Variants in DCC observed in about 807,000 individuals in gnomAD.
DCC encodes the protein DCC netrin 1 receptor, also known as netrin receptor DCC.
Under a neutral mutation model 172.5 loss-of-function variants are expected in DCC, and 58 were observed. That is an observed-to-expected ratio of 0.34 (90% confidence interval 0.27 to 0.42). The LOEUF (loss-of-function observed/expected upper bound fraction) is 0.42, where lower values mean the gene tolerates loss of function less well. DCC is among the 10% of genes least tolerant of loss of function. The pLI, the probability that DCC is intolerant of heterozygous loss-of-function variation, is 1.00. For synonymous variants in DCC, 709 were observed against 644.5 expected (o/e 1.10, Z -1.52); for missense variants, 1,740 against 1,791.0 (o/e 0.97, Z 0.51).
At chr18:53,485,323 C>T (rs1195241172) in intron 25 of DCC, among the ~76,000 whole-genome samples, 4 of 152,054 alleles carry the variant, frequency 2.6e-5, no homozygotes, top group Non-Finnish European at 5.9e-5. Context: ...CACTCCTCTA[C>T]ACTCCAAAGC....
rs556280516 is a variant in DCC at position 52,926,986 on chromosome 18, T to C, written c.985+1616T>C. Among the ~76,000 whole-genome samples the C allele has an allele frequency of 2.8e-5, 4 of 141,710 alleles. No homozygotes were observed. In the East Asian group the frequency reaches 8.4e-4, roughly 30 times the overall value. The allele number at this position is 141,710 out of a possible 152,430, so 93.0% of individuals were successfully genotyped here. A position where few individuals can be genotyped will look rare whatever the true frequency, so the allele number is the denominator to read the frequency against. ...ATGGATATATATACATATATATGGA[T>C]ATATATTTTGTAATTTACACAATTC... On this transcript the variant is annotated intron_variant, in intron 5 of 28. Transcript: ENST00000442544.
At chr18:53,087,101 C>A (rs953719477) in intron 7 of DCC, among the ~76,000 whole-genome samples, 7 of 151,918 alleles carry the variant, frequency 4.6e-5, no homozygotes, top group Non-Finnish European at 8.8e-5. Flanking sequence ...ATTTATAGTC[C>A]TTTGGGTATA....
chr18:53,362,519 C>G (rs947025124), intron 15 of DCC, among the ~76,000 whole-genome samples: 2 of 152,138 alleles, frequency 1.3e-5, no homozygotes, highest in East Asian at 1.9e-4. Context: ...AATGGCCACT[C>G]ATGGCCTTCA....
intron 2 of DCC, among the ~76,000 whole-genome samples, chr18:52,795,062 G>T (rs2037846218): frequency 6.6e-6 from 1 of 151,448 alleles, no homozygotes; most frequent in Admixed American, 6.6e-5. Context: ...CATCTGTATT[G>T]ATCAGAAAAA....
At position 53,354,598 on chromosome 18, in the gene DCC, T is replaced by G. The variant is rs970984625; in HGVS notation, c.2359+14691T>G. Among the ~76,000 whole-genome samples, 6 of 152,198 alleles carry G rather than the reference T, an allele frequency of 3.9e-5. No individual in the cohort carries two copies. The South Asian group carries it at 1.2e-3, about 32-fold the overall frequency. Reference sequence around the variant, plus strand: ...GTCTGTTCATATCCTTCGCCCACTTTTTGATGGGCTTCTTTGTTTTTTTCT... The same window carrying G: ...GTCTGTTCATATCCTTCGCCCACTTGTTGATGGGCTTCTTTGTTTTTTTCT... On this transcript the variant is annotated intron_variant, in intron 15 of 28. Transcript: ENST00000442544.
intron 1 of DCC, among the ~76,000 whole-genome samples, chr18:52,419,940 C>T (rs898317332): frequency 6.6e-6 from 1 of 151,998 alleles, no homozygotes; most frequent in African/African-American, 2.4e-5. Context: ...CTTTGTTATT[C>T]CCATTTTACA....
chr18:53,164,690 C>T (rs1393834334), intron 8 of DCC, among the ~76,000 whole-genome samples: 1 of 152,166 alleles, frequency 6.6e-6, no homozygotes, highest in African/African-American at 2.4e-5. Flanking sequence ...AAAACACTTG[C>T]TCTTTGGTGC....
chr18:52,724,454 C>A (rs1051156328), intron 1 of DCC, among the ~76,000 whole-genome samples: 1 of 152,070 alleles, frequency 6.6e-6, no homozygotes, highest in Non-Finnish European at 1.5e-5. Flanking sequence ...CAGCCTCATA[C>A]CTTATTTTTA....
chr18:53,134,543 C>T (rs2043709273), intron 7 of DCC, among the ~76,000 whole-genome samples: 1 of 152,062 alleles, frequency 6.6e-6, no homozygotes, highest in South Asian at 2.1e-4. Flanking sequence ...TACAGAGATT[C>T]ACAGAACTGC....
At chr18:53,441,780 A>G (rs1174286040) in intron 22 of DCC, among the ~76,000 whole-genome samples, 1 of 152,154 alleles carries the variant, frequency 6.6e-6, no homozygotes, top group African/African-American at 2.4e-5. Flanking sequence ...ACCCCTCTCC[A>G]CACAACAGCC....
chr18:53,355,400 C>G (rs2057866726), intron 15 of DCC, among the ~76,000 whole-genome samples: 2 of 152,130 alleles, frequency 1.3e-5, no homozygotes, highest in South Asian at 2.1e-4. Context: ...TTCTTCCTAT[C>G]CATGAGCATG....
intron 16 of DCC, among the ~76,000 whole-genome samples, chr18:53,390,249 C>A (rs897440768): frequency 2.3e-4 from 22 of 97,080 alleles, no homozygotes. Flanking sequence ...CTCTCTTTCT[C>A]TTTCTCTCTC....
At chr18:53,172,706 T>C (rs780156475) in intron 8 of DCC, among the ~76,000 whole-genome samples, 4 of 152,128 alleles carry the variant, frequency 2.6e-5, no homozygotes, top group Admixed American at 6.6e-5. Context: ...CAGCAGATGA[T>C]AGACAAATTG....
chr18:53,518,287 A>T (rs764204625), intron 27 of DCC, among the ~76,000 whole-genome samples: 4 of 152,128 alleles, frequency 2.6e-5, no homozygotes, highest in Non-Finnish European at 5.9e-5. Flanking sequence ...GAAGTAGGAA[A>T]TAGGAAAAAG....
At chr18:53,511,774 A>G (rs1017437392) in intron 27 of DCC, among the ~76,000 whole-genome samples, 10 of 152,190 alleles carry the variant, frequency 6.6e-5, no homozygotes, top group Non-Finnish European at 1.3e-4. Context: ...ACGGCGCATC[A>G]TGAGAGTATA....
chr18:53,277,580 T>A (rs533164505), intron 12 of DCC, among the ~76,000 whole-genome samples: 4 of 152,170 alleles, frequency 2.6e-5, no homozygotes, highest in Admixed American at 6.6e-5. Context: ...TGTCCTTTCG[T>A]CTCCTCCCTT....
chr18:52,610,165 AAAAAAAAAAAAAAATAT>A (rs2034228751), intron 1 of DCC, among the ~76,000 whole-genome samples: 1 of 22,920 alleles, frequency 4.4e-5, no homozygotes, highest in Non-Finnish European at 7.4e-5. Context: ...AAAAAAAAAA[AAAAAAAAAAAAAAATAT>A]ATATATATAT....
At chr18:53,470,628 G>A (rs1267619972) in intron 25 of DCC, among the ~76,000 whole-genome samples, 5 of 152,176 alleles carry the variant, frequency 3.3e-5, no homozygotes, top group Non-Finnish European at 2.9e-5. Flanking sequence ...TTAAATGACT[G>A]ACAGTTCTGC....
chr18:52,709,918 T>G (rs1381874710), intron 1 of DCC, among the ~76,000 whole-genome samples: 1 of 152,188 alleles, frequency 6.6e-6, no homozygotes, highest in African/African-American at 2.4e-5. Context: ...TTTAAACTGT[T>G]GGGATTACAG....
Sources: gnomAD v4.1 joint callset for allele counts (sites outside exome capture counted in the v4.1 genomes callset) on GRCh38, gnomAD v4.1.1 for gene constraint, MANE v1.5 for transcripts, NCBI Gene and HGNC (gene_info 2026-07-23, HGNC 2026-07-21) for gene names.